The following HOOK1 variants were observed in gnomAD, a reference collection of about 807,000 sequenced individuals.
HOOK1 encodes the protein protein Hook homolog 1.
A neutral mutation model predicts 112.8 loss-of-function variants in HOOK1; 60 were observed. The observed-to-expected ratio is 0.53, with a 90% CI of 0.43 to 0.66. The LOEUF is 0.66. Ranked by LOEUF, HOOK1 falls within the 30% of genes least tolerant of loss-of-function variation. HOOK1 has a pLI of 0.00. For missense variants in HOOK1, 770 were observed against 856.0 expected, an observed-to-expected ratio of 0.90 and a Z score of 1.25; for synonymous variants, 294 against 283.8, an observed-to-expected ratio of 1.04 and a Z score of -0.36.
intron 1 of HOOK1, among the ~76,000 whole-genome samples, chr1:59,818,082 G>T (rs1189273088): frequency 6.6e-6 from 1 of 152,158 alleles, no homozygotes; most frequent in African/African-American, 2.4e-5. Context: ...ATAGAGGATT[G>T]TTGGATTTCA....
intron 21 of HOOK1, 116 bp from the exon 22 acceptor site, chr1:59,872,679 G>T (rs1574231960): frequency 1.8e-6 from 1 of 570,968 alleles, no homozygotes; most frequent in Non-Finnish European, 2.7e-6. Flanking sequence ...CTATAAAAAT[G>T]AGGAAAGCCT....
chr1:59,847,457 T>C (rs922870766), intron 10 of HOOK1, among the ~76,000 whole-genome samples: 1 of 151,618 alleles, frequency 6.6e-6, no homozygotes, highest in African/African-American at 2.4e-5. Context: ...AATGGAGTAC[T>C]TATAGATACA....
At chr1:59,821,813 T>G (rs2098385904) in intron 1 of HOOK1, 45 bp from the exon 2 acceptor site, 1 of 1,306,306 alleles carries the variant, frequency 7.7e-7, no homozygotes, top group Non-Finnish European at 1.1e-6. Context: ...TGCTACCTTG[T>G]AGGTATAAAG....
In HOOK1 at chr1:59,868,371, T is replaced by G; in HGVS notation, c.1947+20T>G. The G allele has an allele frequency of 7.5e-7, 1 of 1,334,834 alleles. No homozygotes were observed. The highest frequency in any genetic ancestry group is 1.1e-6 in the Non-Finnish European group (1 of 931,452). The allele number at this position is 1,334,834 out of a possible 1,614,324, so 82.7% of individuals were successfully genotyped here. A position where few individuals can be genotyped will look rare whatever the true frequency, so the allele number is the denominator to read the frequency against. On this transcript the variant is annotated intron_variant, in intron 20 of 21. Transcript: ENST00000371208. ...CTGGAGGTAAAACTTTTATATTTAC[T>G]CATCTTTTAGTTATTTTGTAGAATC... is the stretch of plus-strand genomic sequence containing the variant.
intron 8 of HOOK1, among the ~76,000 whole-genome samples, chr1:59,842,188 C>A (rs2098401371): frequency 6.6e-6 from 1 of 152,100 alleles, no homozygotes; most frequent in Non-Finnish European, 1.5e-5. Flanking sequence ...TTGACAGCCC[C>A]TACACTCAAG....
At chr1:59,862,974 T>C (rs1442521228) in intron 16 of HOOK1, 97 bp downstream of exon 16, 2 of 699,958 alleles carry the variant, frequency 2.9e-6, no homozygotes, top group East Asian at 2.7e-5. Flanking sequence ...AGTACAGCCC[T>C]TATCATTGAG....
intron 12 of HOOK1, among the ~76,000 whole-genome samples, chr1:59,854,440 C>T (rs1434139430): frequency 7.9e-5 from 12 of 151,716 alleles, no homozygotes; most frequent in Admixed American, 7.9e-4. Flanking sequence ...TTATTTCAAC[C>T]TGAAGGACTC....
chr1:59,815,226 C>T (rs1247226374), intron 1 of HOOK1, 46 bp downstream of exon 1: 1 of 1,523,162 alleles, frequency 6.6e-7, no homozygotes, highest in South Asian at 1.2e-5. Context: ...GGGGCCGAGG[C>T]GAGGAGCCTG....
chr1:59,824,092 G>T (rs2098388034), intron 2 of HOOK1, among the ~76,000 whole-genome samples: 1 of 152,132 alleles, frequency 6.6e-6, no homozygotes, highest in Non-Finnish European at 1.5e-5. Context: ...CTGGATCCTG[G>T]ATAGTGAGAC....
intron 7 of HOOK1, among the ~76,000 whole-genome samples, chr1:59,838,819 T>G (rs2098399421): frequency 6.6e-6 from 1 of 152,248 alleles, no homozygotes; most frequent in South Asian, 2.1e-4. Context: ...TCTAGGATTT[T>G]TATGGTCCTA....
At chr1:59,848,637 A>G (rs1314460064) in intron 11 of HOOK1, 121 bp downstream of exon 11, 4 of 612,512 alleles carry the variant, frequency 6.5e-6, no homozygotes, top group Non-Finnish European at 1.1e-5. Flanking sequence ...CTATGAACTT[A>G]TTCTGATGAA....
intron 6 of HOOK1, 68 bp from the exon 7 acceptor site, chr1:59,836,805 C>A: frequency 1.1e-6 from 1 of 931,178 alleles, no homozygotes; most frequent in South Asian, 1.7e-5. Flanking sequence ...ACTATCCTTT[C>A]AAGAAAATAT....
chr1:59,859,082 A>C (rs755945214), intron 14 of HOOK1, 37 bp downstream of exon 14: 7 of 1,023,678 alleles, frequency 6.8e-6, no homozygotes, highest in Non-Finnish European at 7.9e-6. Flanking sequence ...ATTATATTTA[A>C]TATTATAATT....
intron 7 of HOOK1, among the ~76,000 whole-genome samples, chr1:59,837,342 T>C (rs1233780584): frequency 6.6e-6 from 1 of 152,152 alleles, no homozygotes; most frequent in Non-Finnish European, 1.5e-5. Context: ...CAGGACTGTT[T>C]TACAGGGGGA....
intron 19 of HOOK1, among the ~76,000 whole-genome samples, chr1:59,867,237 G>C (rs1308457563): frequency 6.6e-6 from 1 of 152,124 alleles, no homozygotes; most frequent in Non-Finnish European, 1.5e-5. Flanking sequence ...TTATCACTTA[G>C]AGATAATAAA....
intron 12 of HOOK1, among the ~76,000 whole-genome samples, chr1:59,855,634 A>G (rs2098410046): frequency 6.6e-6 from 1 of 151,898 alleles, no homozygotes. Flanking sequence ...AGGAAATTTT[A>G]TAACTTTTCA....
At position 59,821,760 on chromosome 1, in the gene HOOK1, T is replaced by C. The variant is rs144434751; in HGVS notation, c.64-98T>C. 298 of 837,922 alleles carry C rather than the reference T, an allele frequency of 3.6e-4. 1 individual carries two copies. The African/African-American group carries it at 4.9e-3, about 14-fold the overall frequency. 51.9% of individuals were successfully genotyped at this position (837,922 alleles called of 1,614,324 possible). Reference sequence around the variant, plus strand: ...CAAAACAGGACCATGTTTTTTTTTTTTGTTTTTTTTAGCTGTTTTCAATTT... The same window carrying C: ...CAAAACAGGACCATGTTTTTTTTTTCTGTTTTTTTTAGCTGTTTTCAATTT... On this transcript the variant is annotated intron_variant, in intron 1 of 21. Coordinates refer to ENST00000371208, the MANE Select transcript of HOOK1 (RefSeq NM_015888.6).
At chr1:59,859,935 T>G (rs1034190133) in intron 14 of HOOK1, among the ~76,000 whole-genome samples, 4 of 152,244 alleles carry the variant, frequency 2.6e-5, no homozygotes, top group Non-Finnish European at 5.9e-5. Context: ...AGCATAATCT[T>G]ATATGGTACC....
chr1:59,820,072 C>A (rs1396943743), intron 1 of HOOK1, among the ~76,000 whole-genome samples: 1 of 152,144 alleles, frequency 6.6e-6, no homozygotes. Flanking sequence ...GTTACTCTTC[C>A]TTATTACTTT....
Sources: gnomAD v4.1 joint callset for allele counts (sites outside exome capture counted in the v4.1 genomes callset) on GRCh38, gnomAD v4.1.1 for gene constraint, MANE v1.5 for transcripts, NCBI Gene and HGNC (gene_info 2026-07-23, HGNC 2026-07-21) for gene names.